RAPGEF3: variants seen among roughly 807,000 people sequenced by gnomAD.
The protein encoded by RAPGEF3 is 9330170P05Rik.
In RAPGEF3, 103 loss-of-function variants were observed where a neutral mutation model predicts 129.8. The observed-to-expected ratio is 0.79, with a 90% CI of 0.68 to 0.93. RAPGEF3 has a LOEUF of 0.93. Among genes scored for constraint, RAPGEF3 ranks in the 40% least tolerant of loss-of-function variants. RAPGEF3 has a pLI of 0.00. For missense variants in RAPGEF3, 1,117 were observed against 1,207.4 expected, an observed-to-expected ratio of 0.93 and a Z score of 1.11; for synonymous variants, 436 against 482.6, an observed-to-expected ratio of 0.90 and a Z score of 1.26.
At position 47,746,916 on chromosome 12, in the gene RAPGEF3, A is replaced by T. The variant is rs1385162150; in HGVS notation, c.1557-17T>A. The T allele has an allele frequency of 6.2e-6, 10 of 1,603,682 alleles. No homozygotes were observed. The highest frequency in any genetic ancestry group is 8.5e-6 in the Non-Finnish European group (10 of 1,176,306). ...TTCTCCAACCTGCAGACAAGAGAGA[A>T]GGGAGGTGAGTGAGCCCAGGTATCC... is the stretch of plus-strand genomic sequence containing the variant. On this transcript the variant is annotated splice_polypyrimidine_tract_variant and intron_variant, in intron 15 of 27. Coordinates refer to ENST00000449771, the MANE Select transcript of RAPGEF3 (RefSeq NM_001098531.4).
chr12:47,743,437 G>T, intron 18 of RAPGEF3, 93 bp downstream of exon 18: 2 of 1,454,502 alleles, frequency 1.4e-6, no homozygotes, highest in Non-Finnish European at 9.4e-7. Flanking sequence ...AGACCAGAAA[G>T]ATGACAATGA....
intron 2 of RAPGEF3, chr12:47,755,747 G>A (rs1942017337): frequency 6.6e-6 from 1 of 152,282 alleles, no homozygotes; most frequent in African/African-American, 2.4e-5. Context: ...CTGGGAGGTT[G>A]ATGGGTTTTC....
chr12:47,748,388 C>G, intron 12 of RAPGEF3, 66 bp downstream of exon 12: 1 of 1,448,234 alleles, frequency 6.9e-7, no homozygotes, highest in Admixed American at 1.7e-5. Context: ...GGGTACCTGG[C>G]TCTCTCCCAG....
rs999401501 is a variant in RAPGEF3 at position 47,734,523 on chromosome 12, G to A, written c.*3044C>T. 2 of 152,248 alleles carry A rather than the reference G, an allele frequency of 1.3e-5. No individual in the cohort carries two copies. Among genetic ancestry groups the A allele is most frequent in the Admixed American group, 1.3e-4 (2 of 15,288 alleles). The allele number at this position is 152,248 out of a possible 1,614,324, so 9.4% of individuals were successfully genotyped here. On this transcript the variant is annotated 3_prime_UTR_variant, in exon 28 of 28. Coordinates refer to ENST00000449771, the MANE Select transcript of RAPGEF3 (RefSeq NM_001098531.4). ...CACCTGTCTACCCTGCTATTAAGCA[G>A]TTATGTGACCTTGGGCAAACCTGCC... is the stretch of plus-strand genomic sequence containing the variant.
In RAPGEF3 at chr12:47,751,233, C is replaced by G; in HGVS notation, c.503-17G>C. 2 of 1,547,798 alleles carry G rather than the reference C, an allele frequency of 1.3e-6. No homozygotes were observed. The highest frequency in any genetic ancestry group is 1.7e-6 in the Non-Finnish European group (2 of 1,144,794). On this transcript the variant is annotated splice_polypyrimidine_tract_variant and intron_variant, in intron 5 of 27. Coordinates refer to ENST00000449771, the MANE Select transcript of RAPGEF3 (RefSeq NM_001098531.4). ...CGTGTTTCACTGGGGGGCAGAGGCC[C>G]AGGCGTGGGGGAGGAGAGGAAATTG...
At chr12:47,753,578 G>A (rs1941882085) in intron 2 of RAPGEF3, among the ~76,000 whole-genome samples, 1 of 152,226 alleles carries the variant, frequency 6.6e-6, no homozygotes, top group Non-Finnish European at 1.5e-5. Context: ...GGGTCATGGG[G>A]CCCAGCCCAG....
chr12:47,737,998 C>T, intron 27 of RAPGEF3, 24 bp downstream of exon 27: 3 of 1,606,206 alleles, frequency 1.9e-6, no homozygotes, highest in Non-Finnish European at 2.6e-6. Flanking sequence ...CCTCCCTGCC[C>T]ACCCACCATC....
At chr12:47,739,779 C>T (rs1052500931) in intron 23 of RAPGEF3, 9 of 412,180 alleles carry the variant, frequency 2.2e-5, no homozygotes, top group Non-Finnish European at 2.7e-5. Flanking sequence ...CTGGTGCACA[C>T]AGGCGCTCCA....
chr12:47,750,562 A>C, intron 6 of RAPGEF3, 137 bp from the exon 7 acceptor site: 1 of 721,006 alleles, frequency 1.4e-6, no homozygotes, highest in Non-Finnish European at 2.4e-6. Context: ...GCTAACCTTT[A>C]CTGAGTGCGC....
At chr12:47,754,534 C>T (rs1427877407) in intron 2 of RAPGEF3, among the ~76,000 whole-genome samples, 2 of 152,174 alleles carry the variant, frequency 1.3e-5, no homozygotes, top group Admixed American at 6.5e-5. Flanking sequence ...GTGCTGATTA[C>T]TGAAGTTTGC....
intron 23 of RAPGEF3, 108 bp downstream of exon 23, chr12:47,740,033 A>T (rs1374403859): frequency 6.7e-6 from 9 of 1,345,186 alleles, no homozygotes; most frequent in Non-Finnish European, 9.4e-6. Flanking sequence ...AAAGTGACAA[A>T]GGACGAGTAG....
intron 16 of RAPGEF3, chr12:47,744,462 A>G (rs1941323126): frequency 4.6e-6 from 1 of 217,990 alleles, no homozygotes; most frequent in Non-Finnish European, 9.2e-6. Flanking sequence ...CTTTGACAAA[A>G]GTATTATTTT....
chr12:47,739,892 T>C, intron 23 of RAPGEF3: 3 of 577,230 alleles, frequency 5.2e-6, no homozygotes, highest in Non-Finnish European at 9.3e-6. Context: ...CAGGATCTCC[T>C]GCCCCCATGC....
In RAPGEF3 at chr12:47,748,259, A is replaced by G. The variant is rs1054444159; in HGVS notation, c.1244-107T>C. Reference sequence around the variant, plus strand: ...CCTTCCCCACATCCCACCACCTGCAAGGTCCCAGCAGTGTCCAGCCCCTGT... The same window carrying G: ...CCTTCCCCACATCCCACCACCTGCAGGGTCCCAGCAGTGTCCAGCCCCTGT... On this transcript the variant is annotated intron_variant, in intron 12 of 27. Coordinates refer to ENST00000449771, the MANE Select transcript of RAPGEF3 (RefSeq NM_001098531.4). 8 of 1,055,252 alleles carry G rather than the reference A, an allele frequency of 7.6e-6. No individual in the cohort carries two copies. The African/African-American group carries it at 1.3e-4, about 17-fold the overall frequency. 65.4% of individuals were successfully genotyped at this position (1,055,252 alleles called of 1,614,324 possible). A position where few individuals can be genotyped will look rare whatever the true frequency, so the allele number is the denominator to read the frequency against.
chr12:47,758,256 G>C lies in RAPGEF3; in HGVS notation c.7-178C>G, dbSNP rs1417036200. 4.2e-6 allele frequency: 6 copies of C among 1,432,820 alleles called. No homozygotes were observed. The African/African-American group carries it at 5.7e-5, about 14-fold the overall frequency. The allele number at this position is 1,432,820 out of a possible 1,614,324, so 88.8% of individuals were successfully genotyped here. A position where few individuals can be genotyped will look rare whatever the true frequency, so the allele number is the denominator to read the frequency against. On this transcript the variant is annotated intron_variant, in intron 1 of 27. Transcript: ENST00000449771. Reference sequence around the variant, plus strand: ...AGGAAGACCTTCACTGGGGCCTGCCGGTCTGGCGCACTTAGGGGTCTCCAG... The same window carrying C: ...AGGAAGACCTTCACTGGGGCCTGCCCGTCTGGCGCACTTAGGGGTCTCCAG...
At chr12:47,738,366 G>A in intron 25 of RAPGEF3, 119 bp from the exon 26 acceptor site, 7 of 1,370,546 alleles carry the variant, frequency 5.1e-6, no homozygotes, top group Non-Finnish European at 7.1e-6. Flanking sequence ...AAGATCCTTG[G>A]TTATGTGGCA....
chr12:47,744,079 G>A lies in RAPGEF3; in HGVS notation c.1597-11C>T, dbSNP rs1261249303. 6 of 1,575,928 alleles carry A rather than the reference G, an allele frequency of 3.8e-6. No individual in the cohort carries two copies. Among genetic ancestry groups the A allele is most frequent in the Non-Finnish European group, 5.2e-6 (6 of 1,146,376 alleles). On this transcript the variant is annotated splice_polypyrimidine_tract_variant and intron_variant, in intron 16 of 27. Coordinates refer to ENST00000449771, the MANE Select transcript of RAPGEF3 (RefSeq NM_001098531.4). ...AGGCAAGTTCCGGGCCTGGGAGGAA[G>A]AGGAACGAGAAAATAAGGCTGGGAG...
At position 47,746,791 on chromosome 12, in the gene RAPGEF3, G is replaced by A. The variant is rs778425236; in HGVS notation, c.1596+69C>T. On this transcript the variant is annotated intron_variant, in intron 16 of 27. Coordinates refer to ENST00000449771, the MANE Select transcript of RAPGEF3 (RefSeq NM_001098531.4). ...TCCCACGCCCACAGAGCCCCTCAGG[G>A]TCAGGGGGCGAAGGAGGGGCCTGCA... 1.3e-5 allele frequency: 19 copies of A among 1,463,690 alleles called. No homozygotes were observed. In the Admixed American group the frequency reaches 2.9e-4, roughly 23 times the overall value. 90.7% of individuals were successfully genotyped at this position (1,463,690 alleles called of 1,614,324 possible).
chr12:47,758,644 C>A lies in RAPGEF3; in HGVS notation c.-88G>T. The A allele has an allele frequency of 6.3e-7, 1 of 1,593,502 alleles. No homozygotes were observed. On this transcript the variant is annotated 5_prime_UTR_variant, in exon 1 of 28. Transcript: ENST00000449771. ...CCCCCATCAGCTTTGATAAGGGGAT[C>A]CGGAGGGTGCCAGTGGGTAAGTCCA...
Sources: allele counts gnomAD v4.1 joint callset (sites outside exome capture counted in the v4.1 genomes callset), GRCh38; gene constraint gnomAD v4.1.1; transcripts MANE v1.5; gene names NCBI Gene and HGNC (gene_info 2026-07-23, HGNC 2026-07-21).